The following VPS13B variants were observed in gnomAD, a reference collection of about 807,000 sequenced individuals.
VPS13B encodes vacuolar protein sorting 13 homolog B, also known as intermembrane lipid transfer protein VPS13B.
A neutral mutation model predicts 426.4 loss-of-function variants in VPS13B; 285 were observed. That is an observed-to-expected ratio of 0.67 (90% confidence interval 0.61 to 0.74). VPS13B has a LOEUF of 0.74. Ranked by LOEUF, VPS13B falls within the 30% of genes least tolerant of loss-of-function variation. The pLI, the probability that VPS13B is intolerant of heterozygous loss-of-function variation, is 0.00. For missense variants in VPS13B, 4,537 were observed against 4,782.6 expected (o/e 0.95, Z 1.51); for synonymous variants, 1,676 against 1,676.4 (o/e 1.00, Z 0.01).
At chr8:99,653,259 T>C (rs1325368735) in intron 34 of VPS13B, among the ~76,000 whole-genome samples, 1 of 152,202 alleles carries the variant, frequency 6.6e-6, no homozygotes, top group South Asian at 2.1e-4. Context: ...AAGGGAAACT[T>C]TCATTTTTAG....
chr8:99,738,682 C>A (rs1400238448), intron 39 of VPS13B, among the ~76,000 whole-genome samples: 2 of 152,174 alleles, frequency 1.3e-5, no homozygotes, highest in Non-Finnish European at 2.9e-5. Flanking sequence ...AGTCTATATA[C>A]CGTGTTGAAA....
At chr8:99,608,394 G>A (rs1341002756) in intron 33 of VPS13B, among the ~76,000 whole-genome samples, 1 of 151,144 alleles carries the variant, frequency 6.6e-6, no homozygotes, top group Non-Finnish European at 1.5e-5. Flanking sequence ...TGATTCTCCT[G>A]CCTCCTCCCA....
intron 35 of VPS13B, among the ~76,000 whole-genome samples, chr8:99,683,877 T>G (rs1831260620): frequency 6.6e-6 from 1 of 152,190 alleles, no homozygotes; most frequent in Non-Finnish European, 1.5e-5. Context: ...CAATACTATG[T>G]TGAGTATGAA....
At chr8:99,744,700 C>T (rs1809975128) in intron 39 of VPS13B, among the ~76,000 whole-genome samples, 1 of 151,998 alleles carries the variant, frequency 6.6e-6, no homozygotes, top group South Asian at 2.1e-4. Flanking sequence ...AACCATCATT[C>T]TCAGCAAACT....
At chr8:99,736,094 G>A (rs928264539) in intron 39 of VPS13B, among the ~76,000 whole-genome samples, 6 of 152,144 alleles carry the variant, frequency 3.9e-5, no homozygotes, top group Non-Finnish European at 8.8e-5. Context: ...AGACTGGAAC[G>A]TAGCAATTGC....
At chr8:99,379,266 G>A (rs887709964) in intron 19 of VPS13B, among the ~76,000 whole-genome samples, 8 of 152,172 alleles carry the variant, frequency 5.3e-5, no homozygotes, top group African/African-American at 9.7e-5. Context: ...ACTGGGGATT[G>A]TTGGTCTTCA....
chr8:99,328,414 A>G (rs1235746868), intron 19 of VPS13B, among the ~76,000 whole-genome samples: 1 of 152,164 alleles, frequency 6.6e-6, no homozygotes, highest in Non-Finnish European at 1.5e-5. Flanking sequence ...GTTTGGTGCT[A>G]TCACCTGAGG....
intron 17 of VPS13B, among the ~76,000 whole-genome samples, chr8:99,211,861 CCAAT>C (rs1815106274): frequency 6.6e-6 from 1 of 152,010 alleles, no homozygotes; most frequent in Non-Finnish European, 1.5e-5. Context: ...AACTCTTTTG[CCAAT>C]CAAAGCAATT....
intron 35 of VPS13B, among the ~76,000 whole-genome samples, chr8:99,684,156 C>T (rs950247794): frequency 5.9e-5 from 9 of 152,180 alleles, no homozygotes; most frequent in African/African-American, 1.2e-4. Context: ...AGGACAACCC[C>T]TGTTTTAGTT....
chr8:99,605,078 T>A (rs952720936), intron 33 of VPS13B, among the ~76,000 whole-genome samples: 1 of 152,230 alleles, frequency 6.6e-6, no homozygotes, highest in Non-Finnish European at 1.5e-5. Context: ...AGTCTTTTCA[T>A]TTGCAATATG....
chr8:99,678,443 AT>A (rs774655311), intron 35 of VPS13B, among the ~76,000 whole-genome samples: 7 of 152,034 alleles, frequency 4.6e-5, no homozygotes, highest in Non-Finnish European at 1.0e-4. Context: ...TGCCAAATTT[AT>A]TTGAATCTTA....
chr8:99,229,715 TA>T (rs1197964385), intron 17 of VPS13B, among the ~76,000 whole-genome samples: 2 of 151,956 alleles, frequency 1.3e-5, no homozygotes, highest in African/African-American at 2.4e-5. Flanking sequence ...ATTCTGAGAT[TA>T]AAAAAAGAGA....
Position 99,345,529 on chromosome 8 carries a change from A to G in VPS13B, c.2825-38679A>G, listed in dbSNP as rs151061041. On this transcript the variant is annotated intron_variant, in intron 19 of 61. Transcript: ENST00000357162. ...TGTTATATATTTTTTCTTTTTTTCA[A>G]TTATTTAAAATTGTAAAACCATTGT... Among the ~76,000 whole-genome samples the G allele has an allele frequency of 1.5e-4, 23 of 152,172 alleles. No individual in the cohort carries two copies. The East Asian group carries it at 4.1e-3, about 27-fold the overall frequency.
At chr8:99,118,399 T>G (rs1441683657) in intron 7 of VPS13B, among the ~76,000 whole-genome samples, 1 of 152,202 alleles carries the variant, frequency 6.6e-6, no homozygotes, top group Admixed American at 6.5e-5. Flanking sequence ...GTGGGTCTTT[T>G]TATTTTTTTT....
At chr8:99,262,226 A>G (rs1367678714) in intron 17 of VPS13B, among the ~76,000 whole-genome samples, 2 of 152,142 alleles carry the variant, frequency 1.3e-5, no homozygotes, top group South Asian at 4.1e-4. Context: ...ATGTTGTTTC[A>G]GTGGTTATAT....
At chr8:99,630,952 A>T (rs1828820035) in intron 33 of VPS13B, among the ~76,000 whole-genome samples, 1 of 152,264 alleles carries the variant, frequency 6.6e-6, no homozygotes, top group Admixed American at 6.5e-5. Flanking sequence ...TGGGGGCCAC[A>T]AAAGTTTATT....
intron 36 of VPS13B, among the ~76,000 whole-genome samples, chr8:99,713,239 A>T (rs1302426528): frequency 6.6e-6 from 1 of 152,234 alleles, no homozygotes; most frequent in African/African-American, 2.4e-5. Context: ...ATTCCTCTGT[A>T]TGCTTTGTAG....
At chr8:99,358,945 ATTGAT>A (rs1289958555) in intron 19 of VPS13B, among the ~76,000 whole-genome samples, 1 of 152,224 alleles carries the variant, frequency 6.6e-6, no homozygotes, top group Non-Finnish European at 1.5e-5. Flanking sequence ...TATTATAATA[ATTGAT>A]TTAAGTGTTT....
intron 2 of VPS13B, among the ~76,000 whole-genome samples, chr8:99,028,849 ACCCCTTAAGTTAGCGCTTATGGGGGCTG>A (rs752855352): frequency 0.51 from 513 of 1,010 alleles, 67 homozygotes; most frequent in Non-Finnish European, 0.53. Context: ...CGGGGGGCTG[ACCCCTTAAGTTAGCGCTTATGGGGGCTG>A]ACCCCCCCCA....
Sources: gnomAD v4.1 joint callset for allele counts (sites outside exome capture counted in the v4.1 genomes callset) on GRCh38, gnomAD v4.1.1 for gene constraint, MANE v1.5 for transcripts, NCBI Gene and HGNC (gene_info 2026-07-23, HGNC 2026-07-21) for gene names.